SUPT4H1: variants seen among roughly 807,000 people sequenced by gnomAD.
The protein encoded by SUPT4H1 is transcription elongation factor SPT4.
SUPT4H1 carries 12 observed loss-of-function variants against 19.4 expected under a neutral mutation model. The observed-to-expected ratio is 0.62, with a 90% CI of 0.40 to 1.00. The LOEUF (loss-of-function observed/expected upper bound fraction) is 1.00. Ranked by LOEUF, SUPT4H1 falls within the 50% of genes least tolerant of loss-of-function variation. SUPT4H1 has a pLI of 0.00. For missense variants in SUPT4H1, 115 were observed against 149.2 expected (o/e 0.77, Z 1.19); for synonymous variants, 58 against 56.3 (o/e 1.03, Z -0.14).
chr17:58,351,896 C>G, intron 1 of SUPT4H1, 171 bp downstream of exon 1: 1 of 673,130 alleles, frequency 1.5e-6, no homozygotes, highest in Non-Finnish European at 2.5e-6. Context: ...GCTGCAAGAC[C>G]TGTCCGCGAT....
intron 3 of SUPT4H1, 82 bp from the exon 4 acceptor site, chr17:58,347,323 T>C (rs1972328482): frequency 6.7e-7 from 1 of 1,491,908 alleles, no homozygotes. Flanking sequence ...GCTAAAGAAG[T>C]GATGCAACTC....
rs1305054985 is a variant in SUPT4H1 at position 58,346,453 on chromosome 17, G to A, written c.287-140C>T. Reference sequence around the variant, plus strand: ...ATCAATCGTCTGCTTGGCCAGGCACGGTGGCTCATGCCTGCAATCTCAGCA... The same window carrying A: ...ATCAATCGTCTGCTTGGCCAGGCACAGTGGCTCATGCCTGCAATCTCAGCA... On this transcript the variant is annotated intron_variant, in intron 4 of 4. Transcript: ENST00000225504. 27 of 673,388 alleles carry A rather than the reference G, an allele frequency of 4.0e-5. No individual in the cohort carries two copies. In the East Asian group the frequency reaches 5.8e-4, roughly 14 times the overall value. The allele number at this position is 673,388 out of a possible 1,614,324, so 41.7% of individuals were successfully genotyped here.
chr17:58,346,204 G>A lies in SUPT4H1; in HGVS notation c.*42C>T. On this transcript the variant is annotated 3_prime_UTR_variant, in exon 5 of 5. Coordinates refer to ENST00000225504, the MANE Select transcript of SUPT4H1 (RefSeq NM_003168.3). ...GTTCCAGAACAAGAAATAAGCAGAG[G>A]CAGGAGGTGGAGAGCAAAGATGCTG... 2 of 1,512,158 alleles carry A rather than the reference G, an allele frequency of 1.3e-6. No homozygotes were observed. Among genetic ancestry groups the A allele is most frequent in the Admixed American group, 1.7e-5 (1 of 59,794 alleles). The allele number at this position is 1,512,158 out of a possible 1,614,324, so 93.7% of individuals were successfully genotyped here.
intron 4 of SUPT4H1, 115 bp from the exon 5 acceptor site, chr17:58,346,428 A>G (rs1771071371): frequency 1.2e-6 from 1 of 829,442 alleles, no homozygotes. Context: ...TAGACTACTT[A>G]TCAATCGTCT....
At chr17:58,350,836 CA>C (rs35040111) in intron 2 of SUPT4H1, among the ~76,000 whole-genome samples, 13,155 of 81,388 alleles carry the variant, frequency 0.16, 288 homozygotes, top group East Asian at 0.26. Flanking sequence ...AAAGTCTGTC[CA>C]AAAAAAAAAA....
rs16942968 is a variant in SUPT4H1, at chr17:58,346,002, T to C, written c.*244A>G. ...GGAAGGCACAGACCTGGGCCACGGG[T>C]AGGAAAATCAGCATCCTACTCTCTC... is the stretch of plus-strand genomic sequence containing the variant. On this transcript the variant is annotated 3_prime_UTR_variant, in exon 5 of 5. Transcript: ENST00000225504. 1 of 457,928 alleles carries C rather than the reference T, an allele frequency of 2.2e-6. No homozygotes were observed. Among genetic ancestry groups the C allele is most frequent in the Non-Finnish European group, 4.0e-6 (1 of 250,168 alleles). The allele number at this position is 457,928 out of a possible 1,614,324, so 28.4% of individuals were successfully genotyped here. A position where few individuals can be genotyped will look rare whatever the true frequency, so the allele number is the denominator to read the frequency against.
Position 58,345,547 on chromosome 17 carries a change from A to T in SUPT4H1, c.*699T>A, listed in dbSNP as rs1261933850. The stretch of plus-strand genomic sequence containing the variant: ...TCCAGTGAGTGCTTGAGACTGGCCT[A>T]AGGTATAGGAAGAGCCGTGAAGAGA... On this transcript the variant is annotated 3_prime_UTR_variant, in exon 5 of 5. Coordinates refer to ENST00000225504, the MANE Select transcript of SUPT4H1 (RefSeq NM_003168.3). The T allele has an allele frequency of 6.6e-6, 1 of 152,138 alleles. No homozygotes were observed. The highest frequency in any genetic ancestry group is 1.5e-5 in the Non-Finnish European group (1 of 68,130). 9.4% of individuals were successfully genotyped at this position (152,138 alleles called of 1,614,324 possible).
chr17:58,352,076 C>A lies in SUPT4H1; in HGVS notation c.60G>T (p.Ser20=), dbSNP rs1319769182. Reference sequence around the variant, plus strand: ...GGTCCCCGACTGACACCTTGACCAGCGAACACAGCAAACAGGCCCGCAGAT... The same window carrying A: ...GGTCCCCGACTGACACCTTGACCAGAGAACACAGCAAACAGGCCCGCAGAT... ...LRHLRACLLC[S]LVKTIDQFEY... The change falls in exon 1 of 5, where the codon TCG becomes TCT. Residue 20 remains serine (S), a synonymous_variant. Transcript: ENST00000225504. The A allele has an allele frequency of 6.2e-7, 1 of 1,614,186 alleles. No homozygotes were observed. Among genetic ancestry groups the A allele is most frequent in the East Asian group, 2.2e-5 (1 of 44,888 alleles).
At chr17:58,350,336 AC>A (rs1972451963) in intron 2 of SUPT4H1, among the ~76,000 whole-genome samples, 1 of 150,640 alleles carries the variant, frequency 6.6e-6, no homozygotes, top group Admixed American at 6.6e-5. Context: ...ACATGGTGAA[AC>A]CCCGTCTCTA....
chr17:58,350,868 T>C (rs1972486907), intron 2 of SUPT4H1, among the ~76,000 whole-genome samples: 1 of 119,496 alleles, frequency 8.4e-6, no homozygotes, highest in Non-Finnish European at 1.9e-5. Flanking sequence ...GCAACAGCTT[T>C]TGGGCAATGA....
At chr17:58,346,425 C>T in intron 4 of SUPT4H1, 112 bp from the exon 5 acceptor site, 1 of 850,660 alleles carries the variant, frequency 1.2e-6, no homozygotes, top group Non-Finnish European at 2.0e-6. Flanking sequence ...TCCTAGACTA[C>T]TTATCAATCG....
intron 3 of SUPT4H1, 99 bp downstream of exon 3, chr17:58,347,430 C>A (rs1228594852): frequency 6.8e-7 from 1 of 1,477,240 alleles, no homozygotes; most frequent in Non-Finnish European, 9.5e-7. Flanking sequence ...TCTTTCCCAC[C>A]CTGAGGTCAC....
chr17:58,350,198 C>T (rs558634732), intron 2 of SUPT4H1, among the ~76,000 whole-genome samples: 90 of 151,534 alleles, frequency 5.9e-4, no homozygotes, highest in African/African-American at 2.0e-3. Flanking sequence ...AGGTAGGAGG[C>T]GGAGGTTGCA....
chr17:58,352,197 T>A lies in SUPT4H1; in HGVS notation c.-62A>T. The A allele has an allele frequency of 6.6e-7, 1 of 1,525,216 alleles. No individual in the cohort carries two copies. The highest frequency in any genetic ancestry group is 9.1e-7 in the Non-Finnish European group (1 of 1,102,460). The allele number at this position is 1,525,216 out of a possible 1,614,324, so 94.5% of individuals were successfully genotyped here. A position where few individuals can be genotyped will look rare whatever the true frequency, so the allele number is the denominator to read the frequency against. On this transcript the variant is annotated 5_prime_UTR_variant, in exon 1 of 5. Transcript: ENST00000225504. ...CCACAGCCTGTGCACCCGCAGGAAG[T>A]AAATAGCTCGTTACCCAGAATGCCC...
rs1339168823 is a variant in SUPT4H1, at chr17:58,347,614, C to T, written c.177-30G>A. ...GGAGGGAAAAGAAATGGAGAGTCAGCCTGAGCCTCCCTGGGCCTGAGCTCA... is the reference window on the plus strand; with the variant it reads ...GGAGGGAAAAGAAATGGAGAGTCAGTCTGAGCCTCCCTGGGCCTGAGCTCA... On this transcript the variant is annotated intron_variant, in intron 2 of 4. Transcript: ENST00000225504. 3 of 1,604,118 alleles carry T rather than the reference C, an allele frequency of 1.9e-6. No individual in the cohort carries two copies. The East Asian group carries it at 6.7e-5, about 36-fold the overall frequency.
chr17:58,351,957 TC>T, intron 1 of SUPT4H1, 109 bp downstream of exon 1: 1 of 1,178,968 alleles, frequency 8.5e-7, no homozygotes, highest in Non-Finnish European at 1.2e-6. Context: ...CCCTGCCACC[TC>T]TGAGTTCTGA....
At chr17:58,350,005 G>A (rs764776625) in intron 2 of SUPT4H1, among the ~76,000 whole-genome samples, 2 of 152,226 alleles carry the variant, frequency 1.3e-5, no homozygotes, top group African/African-American at 2.4e-5. Flanking sequence ...AATGGCGACC[G>A]GGCACAGTGG....
Position 58,346,142 on chromosome 17 carries a change from T to C in SUPT4H1, c.*104A>G, listed in dbSNP as rs1196589873. Reference sequence around the variant, plus strand: ...CTCTCAACAGTCAGCTGAGTCTGAATTGGAGGGTAGGAAGTATTTGAAGTT... The same window carrying C: ...CTCTCAACAGTCAGCTGAGTCTGAACTGGAGGGTAGGAAGTATTTGAAGTT... On this transcript the variant is annotated 3_prime_UTR_variant, in exon 5 of 5. Coordinates refer to ENST00000225504, the MANE Select transcript of SUPT4H1 (RefSeq NM_003168.3). 2.2e-6 allele frequency: 2 copies of C among 900,664 alleles called. No individual in the cohort carries two copies. Among genetic ancestry groups the C allele is most frequent in the Middle Eastern group, 3.1e-4 (1 of 3,246 alleles). The allele number at this position is 900,664 out of a possible 1,614,324, so 55.8% of individuals were successfully genotyped here. A position where few individuals can be genotyped will look rare whatever the true frequency, so the allele number is the denominator to read the frequency against.
Position 58,347,185 on chromosome 17 carries a change from T to C in SUPT4H1, c.286+3A>G, listed in dbSNP as rs376096041. 1.9e-5 allele frequency: 30 copies of C among 1,613,836 alleles called. No homozygotes were observed. In the East Asian group the frequency reaches 6.0e-4, roughly 32 times the overall value. ...GAACATTGGCTGTTATGATTATTAT[T>C]ACCTTGGGGCAGGCGACCAGTGACT... On this transcript the variant is annotated splice_donor_region_variant and intron_variant, in intron 4 of 4. Transcript: ENST00000225504.
Sources: gnomAD v4.1 joint callset for allele counts (sites outside exome capture counted in the v4.1 genomes callset) on GRCh38, gnomAD v4.1.1 for gene constraint, MANE v1.5 for transcripts, NCBI Gene and HGNC (gene_info 2026-07-23, HGNC 2026-07-21) for gene names.